Variants in ANKS1A observed in about 807,000 individuals in gnomAD.
ANKS1A encodes the protein ankyrin repeat and sterile alpha motif domain containing 1A, also known as ankyrin repeat and SAM domain-containing protein 1A.
Under a neutral mutation model 120.3 loss-of-function variants are expected in ANKS1A, and 55 were observed. That is an observed-to-expected ratio of 0.46 (90% CI 0.37 to 0.57). The LOEUF (loss-of-function observed/expected upper bound fraction) is 0.57, where lower values mean the gene tolerates loss of function less well. Among genes scored for constraint, ANKS1A ranks in the 20% least tolerant of loss-of-function variants. The probability of loss-of-function intolerance (pLI) is 0.00; values close to 1 mark genes in which losing one functional copy is unlikely to be tolerated. For missense variants in ANKS1A, 1,123 were observed against 1,480.3 expected, an observed-to-expected ratio of 0.76 and a Z score of 3.96; for synonymous variants, 590 against 604.7, an observed-to-expected ratio of 0.98 and a Z score of 0.36.
chr6:35,010,442 A>G (rs1315341550), intron 10 of ANKS1A, among the ~76,000 whole-genome samples: 1 of 152,222 alleles, frequency 6.6e-6, no homozygotes, highest in East Asian at 1.9e-4. Flanking sequence ...GAAGGAAGAA[A>G]GGGGAGAATG....
Position 34,981,820 on chromosome 6 carries a change from C to T in ANKS1A, c.566C>T (p.Ala189Val). ...NNKFETPLDL[A>V]ALYGRLEVVK... ...AAATTCGAGACCCCTTTGGACCTGG[C>T]AGCACTGTACGGGCGACTGGAGGTG... Residue 189 changes from alanine (A) to valine (V), a missense_variant, in exon 4 of 24, where the codon GCA (alanine) becomes GTA (valine). Transcript: ENST00000360359. The T allele has an allele frequency of 6.2e-7, 1 of 1,614,176 alleles. No homozygotes were observed. Among genetic ancestry groups the T allele is most frequent in the Non-Finnish European group, 8.5e-7 (1 of 1,180,028 alleles).
At chr6:35,023,104 A>T (rs1291611674) in intron 11 of ANKS1A, among the ~76,000 whole-genome samples, 1 of 152,128 alleles carries the variant, frequency 6.6e-6, no homozygotes, top group African/African-American at 2.4e-5. Flanking sequence ...CCCTCTACTG[A>T]AAGCCACCAC....
intron 1 of ANKS1A, among the ~76,000 whole-genome samples, chr6:34,898,643 A>T (rs1767208202): frequency 1.3e-5 from 2 of 152,224 alleles, no homozygotes; most frequent in Non-Finnish European, 2.9e-5. Flanking sequence ...CACTAAGAAG[A>T]AAATAAAATC....
At chr6:34,969,673 C>T (rs1771082987) in intron 2 of ANKS1A, among the ~76,000 whole-genome samples, 1 of 152,208 alleles carries the variant, frequency 6.6e-6, no homozygotes, top group Non-Finnish European at 1.5e-5. Flanking sequence ...GTAAATTCAA[C>T]ACTTGAATGC....
intron 11 of ANKS1A, among the ~76,000 whole-genome samples, chr6:35,046,559 C>T (rs962334894): frequency 1.3e-5 from 2 of 152,186 alleles, no homozygotes; most frequent in African/African-American, 2.4e-5. Flanking sequence ...ATATCCACCA[C>T]GTAGGGCATG....
At chr6:34,987,488 T>G (rs2127531985) in intron 8 of ANKS1A, among the ~76,000 whole-genome samples, 1 of 152,324 alleles carries the variant, frequency 6.6e-6, no homozygotes, top group East Asian at 1.9e-4. Context: ...TGCTGTTCCC[T>G]TCCTTACAAG....
In ANKS1A at chr6:34,927,444, A is replaced by G. The variant is rs139737627; in HGVS notation, c.197+37845A>G. Among the ~76,000 whole-genome samples, 506 of 152,242 alleles carry G rather than the reference A, an allele frequency of 3.3e-3. 3 individuals carry two copies. The highest frequency in any genetic ancestry group is 6.4e-3 in the Admixed American group (98 of 15,284). On this transcript the variant is annotated intron_variant, in intron 1 of 23. Coordinates refer to ENST00000360359, the MANE Select transcript of ANKS1A (RefSeq NM_015245.3). The stretch of plus-strand genomic sequence containing the variant: ...TATTGATAAATGGGCACTAAAGATT[A>G]GTTTTTATACAGGGGCACCAGATGC...
At position 35,044,986 on chromosome 6, in the gene ANKS1A, CA is replaced by C. The variant is rs1158315532; in HGVS notation, c.2011-9112del. Reference sequence around the variant, plus strand: ...CATCTGGTCAAGTTACAGAGGGAAACAGGCACAGTATCTCCTGCTATGGCCC... The same window carrying C: ...CATCTGGTCAAGTTACAGAGGGAAACGGCACAGTATCTCCTGCTATGGCCC... On this transcript the variant is annotated intron_variant, in intron 11 of 23. Transcript: ENST00000360359. This position sits in a 1 kb window ranked among gnomAD's most constrained non-coding sequence, Gnocchi z 4.4. Among the ~76,000 whole-genome samples, 1 of 152,194 alleles carries C rather than the reference CA, an allele frequency of 6.6e-6. No individual in the cohort carries two copies. The highest frequency in any genetic ancestry group is 1.5e-5 in the Non-Finnish European group (1 of 68,034).
chr6:35,048,619 G>A (rs551323067), intron 11 of ANKS1A, among the ~76,000 whole-genome samples: 6 of 152,258 alleles, frequency 3.9e-5, no homozygotes, highest in Admixed American at 1.3e-4. Flanking sequence ...CCCAGACCCT[G>A]GCCAGTGACC....
At position 35,079,456 on chromosome 6, in the gene ANKS1A, C is replaced by T. The variant is rs1277918894; in HGVS notation, c.2284-60C>T. 3.8e-6 allele frequency: 6 copies of T among 1,597,694 alleles called. No homozygotes were observed. In the African/African-American group the frequency reaches 6.7e-5, roughly 18 times the overall value. On this transcript the variant is annotated intron_variant, in intron 14 of 23. Transcript: ENST00000360359. ...GTGTGAGCTGGCTGGGTCCATGGTCCTCGGGTCCCTCTCCTGTGAGTGCTG... is the reference window on the plus strand; with the variant it reads ...GTGTGAGCTGGCTGGGTCCATGGTCTTCGGGTCCCTCTCCTGTGAGTGCTG...
At chr6:34,961,375 A>T (rs1317317278) in intron 1 of ANKS1A, among the ~76,000 whole-genome samples, 1 of 152,142 alleles carries the variant, frequency 6.6e-6, no homozygotes, top group Non-Finnish European at 1.5e-5. Flanking sequence ...AGAGTTCTCC[A>T]GTTTCGTTTA....
At chr6:35,027,944 C>T (rs563064961) in intron 11 of ANKS1A, among the ~76,000 whole-genome samples, 7 of 149,944 alleles carry the variant, frequency 4.7e-5, no homozygotes, top group African/African-American at 9.8e-5. Flanking sequence ...CAGTCTCTGG[C>T]GCCACAGGGC....
At chr6:34,921,226 T>C (rs1248208321) in intron 1 of ANKS1A, among the ~76,000 whole-genome samples, 1 of 152,256 alleles carries the variant, frequency 6.6e-6, no homozygotes, top group African/African-American at 2.4e-5. Flanking sequence ...GGATAGCCTA[T>C]GTCAAGACTT....
intron 11 of ANKS1A, among the ~76,000 whole-genome samples, chr6:35,029,829 T>A (rs2258604): frequency 0.5 from 74,501 of 148,166 alleles, 22,298 homozygotes; most frequent in Non-Finnish European, 0.66. Flanking sequence ...AATCTATTTT[T>A]TATATATATA....
At chr6:34,893,177 T>C (rs968624197) in intron 1 of ANKS1A, among the ~76,000 whole-genome samples, 1 of 152,222 alleles carries the variant, frequency 6.6e-6, no homozygotes, top group African/African-American at 2.4e-5. Context: ...TTAGATAATG[T>C]GTGTACGGGA....
Position 35,044,441 on chromosome 6 carries a change from G to A in ANKS1A, c.2011-9658G>A, listed in dbSNP as rs1348780925. On this transcript the variant is annotated intron_variant, in intron 11 of 23. Coordinates refer to ENST00000360359, the MANE Select transcript of ANKS1A (RefSeq NM_015245.3). This position sits in a 1 kb window ranked among gnomAD's most constrained non-coding sequence, Gnocchi z 4.4. ...ACTACCTGCAGACTCTGCCCTGTGG[G>A]AGCCAGCTCTGTCTGAGGTGAGGGA... 6.6e-6 allele frequency among the ~76,000 whole-genome samples: 1 copy of A among 152,216 alleles called. No homozygotes were observed. Among genetic ancestry groups the A allele is most frequent in the African/African-American group, 2.4e-5 (1 of 41,472 alleles).
intron 1 of ANKS1A, among the ~76,000 whole-genome samples, chr6:34,950,370 G>A (rs1402063086): frequency 7.9e-5 from 12 of 151,526 alleles, no homozygotes; most frequent in East Asian, 1.9e-4. Context: ...CTGGGATTAC[G>A]GGCACCCGCC....
intron 2 of ANKS1A, among the ~76,000 whole-genome samples, chr6:34,969,692 C>T (rs1003126990): frequency 6.6e-6 from 1 of 152,144 alleles, no homozygotes; most frequent in Non-Finnish European, 1.5e-5. Context: ...GCTGTTTAAA[C>T]ATGATAAACA....
intron 23 of ANKS1A, among the ~76,000 whole-genome samples, chr6:35,087,622 C>T (rs549047234): frequency 2.6e-5 from 4 of 152,360 alleles, no homozygotes; most frequent in African/African-American, 7.2e-5. Context: ...CACTGTCCTC[C>T]GCTACTCCGA....
Sources: allele counts gnomAD v4.1 joint callset (sites outside exome capture counted in the v4.1 genomes callset), GRCh38; gene constraint gnomAD v4.1.1; non-coding constraint Gnocchi (gnomAD v3.1); transcripts MANE v1.5; gene names NCBI Gene and HGNC (gene_info 2026-07-23, HGNC 2026-07-21).